NRP1: variants seen among roughly 807,000 people sequenced by gnomAD.
NRP1 encodes neuropilin-1.
In NRP1, 35 loss-of-function variants were observed where a neutral mutation model predicts 106.7. The observed-to-expected ratio is 0.33, with a 90% CI of 0.25 to 0.43. The LOEUF is 0.43. Ranked by LOEUF, NRP1 falls within the 20% of genes least tolerant of loss-of-function variation. NRP1 has a pLI of 1.00. For synonymous variants in NRP1, 437 were observed against 417.9 expected, an observed-to-expected ratio of 1.05 and a Z score of -0.56; for missense variants, 1,024 against 1,170.4, an observed-to-expected ratio of 0.87 and a Z score of 1.83.
At chr10:33,264,452 G>A (rs1457052230) in intron 3 of NRP1, among the ~76,000 whole-genome samples, 1 of 152,140 alleles carries the variant, frequency 6.6e-6, no homozygotes, top group Non-Finnish European at 1.5e-5. Context: ...AGGTGGGCCG[G>A]TAAAGTGTGG....
intron 13 of NRP1, among the ~76,000 whole-genome samples, chr10:33,189,012 T>C (rs536762557): frequency 6.6e-6 from 1 of 150,490 alleles, no homozygotes; most frequent in East Asian, 2.0e-4. Context: ...CTATCCACAC[T>C]TCTTCACAAA....
At chr10:33,309,474 T>C (rs763606442) in intron 2 of NRP1, among the ~76,000 whole-genome samples, 11 of 152,242 alleles carry the variant, frequency 7.2e-5, no homozygotes, top group Admixed American at 2.0e-4. Context: ...GCTGAATGTC[T>C]GTGTTAGGAT....
chr10:33,250,252 C>A (rs1009422078), intron 6 of NRP1, among the ~76,000 whole-genome samples: 4 of 152,146 alleles, frequency 2.6e-5, no homozygotes, highest in Admixed American at 2.6e-4. Flanking sequence ...AAACAACAAG[C>A]CAACCACTTC....
intron 6 of NRP1, among the ~76,000 whole-genome samples, chr10:33,240,836 G>T (rs1840955659): frequency 6.6e-6 from 1 of 152,194 alleles, no homozygotes; most frequent in Non-Finnish European, 1.5e-5. Context: ...GGCTGCCTAG[G>T]TACAGCTGGT....
intron 3 of NRP1, among the ~76,000 whole-genome samples, chr10:33,269,477 G>A (rs960229586): frequency 4.6e-5 from 7 of 152,072 alleles, no homozygotes; most frequent in African/African-American, 1.7e-4. Context: ...CATTTTTAAT[G>A]AAAGAAATCA....
At chr10:33,274,786 TC>T (rs1418927682) in intron 2 of NRP1, among the ~76,000 whole-genome samples, 1 of 152,038 alleles carries the variant, frequency 6.6e-6, no homozygotes, top group Non-Finnish European at 1.5e-5. Context: ...CAAGAGGACC[TC>T]CCCCCACTGG....
intron 3 of NRP1, among the ~76,000 whole-genome samples, chr10:33,267,968 C>T (rs1014867275): frequency 2.0e-5 from 3 of 152,124 alleles, no homozygotes; most frequent in African/African-American, 7.2e-5. Flanking sequence ...CACCGGAAAC[C>T]TCAAGGCCAT....
intron 6 of NRP1, among the ~76,000 whole-genome samples, chr10:33,245,303 G>C (rs958289652): frequency 6.6e-6 from 1 of 152,164 alleles, no homozygotes; most frequent in African/African-American, 2.4e-5. Flanking sequence ...CAGTATTTGG[G>C]TTTTATGACT....
chr10:33,334,274 G>A, intron 1 of NRP1, 36 bp downstream of exon 1: 2 of 1,531,488 alleles, frequency 1.3e-6, no homozygotes, highest in East Asian at 2.5e-5. Flanking sequence ...GGGAGCCGGG[G>A]CGCCGCTGTC....
chr10:33,205,188 T>G (rs1393507967), intron 10 of NRP1, among the ~76,000 whole-genome samples: 1 of 152,228 alleles, frequency 6.6e-6, no homozygotes, highest in Non-Finnish European at 1.5e-5. Flanking sequence ...GTTAACTGAT[T>G]GAAGGGAGAA....
chr10:33,332,373 T>C (rs983763386), intron 1 of NRP1, among the ~76,000 whole-genome samples: 4 of 152,238 alleles, frequency 2.6e-5, no homozygotes, highest in Non-Finnish European at 5.9e-5. Context: ...ATTTTGAATG[T>C]GCAGAAAACT....
chr10:33,281,304 C>A (rs1326700606), intron 2 of NRP1, among the ~76,000 whole-genome samples: 1 of 152,148 alleles, frequency 6.6e-6, no homozygotes, highest in African/African-American at 2.4e-5. Flanking sequence ...CCCATCTCGG[C>A]CTCCCAAAGT....
chr10:33,308,146 A>G (rs1441625604), intron 2 of NRP1, among the ~76,000 whole-genome samples: 6 of 152,254 alleles, frequency 3.9e-5, no homozygotes, highest in Non-Finnish European at 7.3e-5. Flanking sequence ...GTTCTCATTT[A>G]TAAGTGGGAG....
intron 2 of NRP1, among the ~76,000 whole-genome samples, chr10:33,317,776 A>G (rs1303408459): frequency 6.6e-6 from 1 of 152,092 alleles, no homozygotes; most frequent in African/African-American, 2.4e-5. Context: ...TTTTCCAGAA[A>G]CTCCATCCAT....
intron 2 of NRP1, among the ~76,000 whole-genome samples, chr10:33,280,104 A>G (rs1022950874): frequency 1.3e-5 from 2 of 152,258 alleles, no homozygotes; most frequent in Non-Finnish European, 2.9e-5. Context: ...ATGGTGTTAA[A>G]TATTGATCAA....
chr10:33,245,775 G>T (rs1588833604), intron 6 of NRP1, among the ~76,000 whole-genome samples: 1 of 140,342 alleles, frequency 7.1e-6, no homozygotes, highest in Admixed American at 7.1e-5. Context: ...TAGTCTTAAA[G>T]TTGAGATATC....
intron 6 of NRP1, among the ~76,000 whole-genome samples, chr10:33,234,435 A>G (rs1840404763): frequency 6.6e-6 from 1 of 152,208 alleles, no homozygotes. Context: ...AGTAATAATA[A>G]TTAAATCCAA....
intron 6 of NRP1, among the ~76,000 whole-genome samples, chr10:33,230,933 C>T (rs1840072004): frequency 6.6e-6 from 1 of 152,198 alleles, no homozygotes; most frequent in Non-Finnish European, 1.5e-5. Flanking sequence ...ACAAGCCTTT[C>T]TCACTGGTGT....
At chr10:33,300,576 G>T (rs1242650667) in intron 2 of NRP1, among the ~76,000 whole-genome samples, 1 of 152,122 alleles carries the variant, frequency 6.6e-6, no homozygotes, top group Non-Finnish European at 1.5e-5. Context: ...ATCTTGGGGC[G>T]CCCAAATCAC....
Sources: allele counts gnomAD v4.1 joint callset (sites outside exome capture counted in the v4.1 genomes callset), GRCh38; gene constraint gnomAD v4.1.1; transcripts MANE v1.5; gene names NCBI Gene and HGNC (gene_info 2026-07-23, HGNC 2026-07-21).